The following TULP4 variants were observed in gnomAD, a reference collection of about 807,000 sequenced individuals.
TULP4 encodes TUB like protein 4, also known as tubby-related protein 4.
Under a neutral mutation model 129.0 loss-of-function variants are expected in TULP4, and 16 were observed. The observed-to-expected ratio is 0.12, with a 90% CI of 0.08 to 0.19. TULP4 has a LOEUF of 0.19. TULP4 is among the 10% of genes least tolerant of loss of function. The probability of loss-of-function intolerance (pLI) is 1.00; values close to 1 mark genes in which losing one functional copy is unlikely to be tolerated. For synonymous variants in TULP4, 998 were observed against 854.0 expected, an observed-to-expected ratio of 1.17 and a Z score of -2.94; for missense variants, 1,842 against 2,059.1, an observed-to-expected ratio of 0.89 and a Z score of 2.04.
At chr6:158,414,210 T>C (rs187236102) in intron 2 of TULP4, among the ~76,000 whole-genome samples, 55 of 152,326 alleles carry the variant, frequency 3.6e-4, no homozygotes, top group African/African-American at 1.2e-3. Context: ...TGTAATAATA[T>C]TGACTGACTG....
intron 1 of TULP4, among the ~76,000 whole-genome samples, chr6:158,299,280 G>A (rs1014062330): frequency 6.6e-6 from 1 of 152,090 alleles, no homozygotes; most frequent in Non-Finnish European, 1.5e-5. Flanking sequence ...TCTGCCAGAG[G>A]AGCAATCGTT....
intron 1 of TULP4, among the ~76,000 whole-genome samples, chr6:158,368,112 T>A (rs1052064830): frequency 4.1e-5 from 6 of 147,500 alleles, no homozygotes; most frequent in African/African-American, 1.5e-4. Context: ...TCTGACAGAT[T>A]GAGTTGTACG....
chr6:158,328,147 G>C (rs918454280), intron 1 of TULP4, among the ~76,000 whole-genome samples: 2 of 148,132 alleles, frequency 1.4e-5, no homozygotes, highest in Admixed American at 1.4e-4. Context: ...CTGGGAAAGA[G>C]GTAGACCTAG....
chr6:158,341,265 A>G (rs1780174377), intron 1 of TULP4, among the ~76,000 whole-genome samples: 1 of 152,076 alleles, frequency 6.6e-6, no homozygotes, highest in African/African-American at 2.4e-5. Context: ...AAATGACAGG[A>G]GTTCACTTTT....
In TULP4 at chr6:158,331,728, C is replaced by CGTAT. The variant is rs1562523161; in HGVS notation, c.252+17460_252+17461insGTAT. 6.6e-3 allele frequency among the ~76,000 whole-genome samples: 248 copies of CGTAT among 37,594 alleles called. 40 individuals carry two copies. The highest frequency in any genetic ancestry group is 9.1e-3 in the Non-Finnish European group (168 of 18,536). The allele number at this position is 37,594 out of a possible 152,430, so 24.7% of individuals were successfully genotyped here. On this transcript the variant is annotated intron_variant, in intron 1 of 13. Transcript: ENST00000367097. ...ACACACACACACACACACACACACACATACGTATATATATACGTGTATATA... is the reference window on the plus strand; with the variant it reads ...ACACACACACACACACACACACACACGTATATACGTATATATATACGTGTATATA...
At chr6:158,484,269 G>A (rs191901148) in intron 8 of TULP4, among the ~76,000 whole-genome samples, 109 of 151,186 alleles carry the variant, frequency 7.2e-4, no homozygotes, top group Admixed American at 1.5e-3. Flanking sequence ...AAAGGAGGCA[G>A]GGTCTTACTC....
chr6:158,424,838 T>G (rs996111986), intron 2 of TULP4, among the ~76,000 whole-genome samples: 16 of 151,992 alleles, frequency 1.1e-4, no homozygotes, highest in African/African-American at 3.9e-4. Flanking sequence ...GCCCAACATA[T>G]TAGTCATTAT....
intron 1 of TULP4, among the ~76,000 whole-genome samples, chr6:158,300,994 T>TG (rs1326854602): frequency 6.6e-6 from 1 of 152,182 alleles, no homozygotes; most frequent in African/African-American, 2.4e-5. Context: ...CCAGCAGACA[T>TG]GGGTCCCAGT....
At chr6:158,290,815 C>T (rs1778924798) in intron 1 of TULP4, among the ~76,000 whole-genome samples, 1 of 151,994 alleles carries the variant, frequency 6.6e-6, no homozygotes, top group Admixed American at 6.6e-5. Flanking sequence ...TCTACCTTCC[C>T]CCCCACATTT....
At chr6:158,400,647 G>T (rs1466093226) in intron 1 of TULP4, among the ~76,000 whole-genome samples, 1 of 151,994 alleles carries the variant, frequency 6.6e-6, no homozygotes, top group African/African-American at 2.4e-5. Context: ...TCTTGTTTTT[G>T]CTTATGCTTA....
rs546553340 is a variant in TULP4 at position 158,235,456 on chromosome 6, C to T, written n.68+3153C>T. Among the ~76,000 whole-genome samples the T allele has an allele frequency of 6.6e-5, 10 of 152,306 alleles. No individual in the cohort carries two copies. The South Asian group carries it at 1.7e-3, about 25-fold the overall frequency. ...TTCATGACTGGCTTATTTCACTTAG[C>T]GTGATATCCTCAGGGTTCATCCATG... is the stretch of plus-strand genomic sequence containing the variant. On this transcript the variant is annotated intron_variant and non_coding_transcript_variant, in intron 1 of 1. Coordinates refer to the TULP4 transcript ENST00000620026.
chr6:158,347,656 C>T (rs1780343228), intron 1 of TULP4, among the ~76,000 whole-genome samples: 1 of 152,234 alleles, frequency 6.6e-6, no homozygotes, highest in Non-Finnish European at 1.5e-5. Flanking sequence ...TGCTGACCTT[C>T]CTGAAGTGAG....
chr6:158,334,017 C>T (rs145762094), intron 1 of TULP4, among the ~76,000 whole-genome samples: 427 of 152,236 alleles, frequency 2.8e-3, no homozygotes, highest in African/African-American at 9.7e-3. Context: ...TCCAGTGTCG[C>T]GAGTATCCGC....
intron 6 of TULP4, among the ~76,000 whole-genome samples, chr6:158,463,409 A>G (rs1779486616): frequency 6.6e-6 from 1 of 152,004 alleles, no homozygotes; most frequent in African/African-American, 2.4e-5. Context: ...TAATAGACGT[A>G]TGCCTGGGAG....
At chr6:158,494,972 C>T in intron 11 of TULP4, 126 bp downstream of exon 11, 1 of 692,664 alleles carries the variant, frequency 1.4e-6, no homozygotes. Flanking sequence ...ATGTATTTTA[C>T]CTCTAAACCT....
intron 1 of TULP4, among the ~76,000 whole-genome samples, chr6:158,407,745 C>G (rs774830345): frequency 7.2e-5 from 11 of 152,128 alleles, no homozygotes; most frequent in Non-Finnish European, 1.3e-4. Context: ...GAGAACATAT[C>G]GTATGATTCC....
chr6:158,491,413 CTTT>C, intron 9 of TULP4, among the ~76,000 whole-genome samples: 1 of 26,696 alleles, frequency 3.7e-5, no homozygotes, highest in Non-Finnish European at 8.3e-5. Flanking sequence ...TTCTTTCTTT[CTTT>C]CTTTCTTTCT....
At chr6:158,479,683 G>A in intron 6 of TULP4, 68 bp from the exon 7 acceptor site, 1 of 1,455,202 alleles carries the variant, frequency 6.9e-7, no homozygotes. Flanking sequence ...AGACAAGTGT[G>A]CATTATCCCT....
intron 1 of TULP4, among the ~76,000 whole-genome samples, chr6:158,392,464 G>A (rs1275736465): frequency 6.6e-6 from 1 of 152,210 alleles, no homozygotes; most frequent in Non-Finnish European, 1.5e-5. Context: ...GCAGGTGGCT[G>A]CTACCATTTG....
Sources: allele counts gnomAD v4.1 joint callset (sites outside exome capture counted in the v4.1 genomes callset), GRCh38; gene constraint gnomAD v4.1.1; transcripts MANE v1.5; gene names NCBI Gene and HGNC (gene_info 2026-07-23, HGNC 2026-07-21).